The following CPS1 variants were observed in gnomAD, a reference collection of about 807,000 sequenced individuals.
The protein encoded by CPS1 is carbamoyl-phosphate synthase 1.
In CPS1, 109 loss-of-function variants were observed where a neutral mutation model predicts 174.6. That is an observed-to-expected ratio of 0.62 (90% CI 0.53 to 0.73). The LOEUF (loss-of-function observed/expected upper bound fraction) is 0.73, where lower values mean the gene tolerates loss of function less well. Ranked by LOEUF, CPS1 falls within the 30% of genes least tolerant of loss-of-function variation. The pLI is 0.00. For missense variants in CPS1, 1,689 were observed against 1,821.9 expected, an observed-to-expected ratio of 0.93 and a Z score of 1.33; for synonymous variants, 637 against 632.0, an observed-to-expected ratio of 1.01 and a Z score of -0.12.
At chr2:210,530,095 T>C (rs1365214931) in intron 1 of CPS1, among the ~76,000 whole-genome samples, 1 of 152,022 alleles carries the variant, frequency 6.6e-6, no homozygotes, top group Non-Finnish European at 1.5e-5. Flanking sequence ...ATTATTTCCA[T>C]TGATAGGAAA....
chr2:210,560,396 T>C (rs1216797165), intron 1 of CPS1, among the ~76,000 whole-genome samples: 1 of 152,126 alleles, frequency 6.6e-6, no homozygotes, highest in East Asian at 1.9e-4. Flanking sequence ...CTAAATAGTT[T>C]TATTTTTACT....
intron 1 of CPS1, among the ~76,000 whole-genome samples, chr2:210,551,297 C>T (rs1696723423): frequency 6.6e-6 from 1 of 151,942 alleles, no homozygotes; most frequent in South Asian, 2.1e-4. Context: ...CAAGAAACTT[C>T]GTGAATTCAC....
At chr2:210,668,078 G>A (rs996572895) in intron 33 of CPS1, 108 bp from the exon 34 acceptor site, 12 of 487,028 alleles carry the variant, frequency 2.5e-5, no homozygotes, top group African/African-American at 2.3e-4. Flanking sequence ...GTGCGTGCAT[G>A]TGTGTGTGTG....
At chr2:210,487,545 A>G (rs72932430) in intron 1 of CPS1, among the ~76,000 whole-genome samples, 31,147 of 152,230 alleles carry the variant, frequency 0.2, 3,725 homozygotes, top group Middle Eastern at 0.34. Context: ...CATCAGTTGT[A>G]CATATTAAGG....
At chr2:210,587,601 C>G (rs1698150477) in intron 6 of CPS1, among the ~76,000 whole-genome samples, 1 of 152,030 alleles carries the variant, frequency 6.6e-6, no homozygotes, top group Non-Finnish European at 1.5e-5. Flanking sequence ...ACTGCAGAAG[C>G]CTTATGTACA....
intron 21 of CPS1, among the ~76,000 whole-genome samples, chr2:210,623,219 A>G (rs1158078891): frequency 2.0e-5 from 3 of 152,174 alleles, no homozygotes; most frequent in African/African-American, 4.8e-5. Flanking sequence ...GCAATGTTGT[A>G]GATGACTACT....
In CPS1 at chr2:210,606,413, T is replaced by G. The variant is rs556166912; in HGVS notation, c.1982-318T>G. Among the ~76,000 whole-genome samples, 7 of 151,878 alleles carry G rather than the reference T, an allele frequency of 4.6e-5. No individual in the cohort carries two copies. The East Asian group carries it at 1.2e-3, about 25-fold the overall frequency. Reference sequence around the variant, plus strand: ...GATGAGCCAGTCTGAGTGATAATATTCAATGAAAGGAAGAACTTCAGAAAT... The same window carrying G: ...GATGAGCCAGTCTGAGTGATAATATGCAATGAAAGGAAGAACTTCAGAAAT... On this transcript the variant is annotated intron_variant, in intron 17 of 37. Coordinates refer to ENST00000233072, the MANE Select transcript of CPS1 (RefSeq NM_001875.5).
rs942926041 is a variant in CPS1 at position 210,629,369 on chromosome 2, C to T, written c.2688-8333C>T. 2.6e-5 allele frequency among the ~76,000 whole-genome samples: 4 copies of T among 151,994 alleles called. No individual in the cohort carries two copies. In the East Asian group the frequency reaches 5.9e-4, roughly 22 times the overall value. On this transcript the variant is annotated intron_variant, in intron 21 of 37. Coordinates refer to ENST00000233072, the MANE Select transcript of CPS1 (RefSeq NM_001875.5). Reference sequence around the variant, plus strand: ...TCGCTCTGTCGCCCAGGCTGGAGTGCAGTGGCGCGATCTCGGCTCACTGCA... The same window carrying T: ...TCGCTCTGTCGCCCAGGCTGGAGTGTAGTGGCGCGATCTCGGCTCACTGCA...
chr2:210,611,469 T>G (rs1048932139), intron 19 of CPS1, among the ~76,000 whole-genome samples: 4 of 151,960 alleles, frequency 2.6e-5, no homozygotes, highest in African/African-American at 9.7e-5. Flanking sequence ...ATGCAACTTG[T>G]CCAAACTAAA....
chr2:210,654,217 A>C, intron 29 of CPS1, 115 bp downstream of exon 29: 9 of 878,130 alleles, frequency 1.0e-5, no homozygotes, highest in Non-Finnish European at 1.7e-5. Flanking sequence ...GGTCTCCAGT[A>C]ATAGTGGAGA....
chr2:210,546,789 G>A (rs774209830), intron 1 of CPS1, among the ~76,000 whole-genome samples: 1 of 152,072 alleles, frequency 6.6e-6, no homozygotes, highest in African/African-American at 2.4e-5. Context: ...CCACAGTAAG[G>A]TTCAGTTACG....
chr2:210,505,958 G>T (rs1488446701), intron 1 of CPS1, among the ~76,000 whole-genome samples: 1 of 74 alleles, frequency 0.014, no homozygotes, highest in Non-Finnish European at 0.033. Flanking sequence ...TCCACCTCTG[G>T]GGGCAGGCAT....
intron 1 of CPS1, among the ~76,000 whole-genome samples, chr2:210,563,379 T>G (rs1697169854): frequency 6.6e-6 from 1 of 152,174 alleles, no homozygotes; most frequent in Non-Finnish European, 1.5e-5. Context: ...ATAGGACATT[T>G]TAGGGCAATG....
In CPS1 at chr2:210,650,366, G is replaced by A. The variant is rs147776702; in HGVS notation, c.3408G>A (p.Gly1136=). The change falls in exon 28 of 38, where the codon GGG becomes GGA. Residue 1136 remains glycine (G), a synonymous_variant. Coordinates refer to ENST00000233072, the MANE Select transcript of CPS1 (RefSeq NM_001875.5). ...CLLRPSYVLS[G]SAMNVVFSED... is the part of the protein sequence containing the mutation. ...TTTTTTCCCCTTCCTTTTCCAGTGGGTCTGCTATGAATGTGGTATTCTCTG... is the reference window on the plus strand; with the variant it reads ...TTTTTTCCCCTTCCTTTTCCAGTGGATCTGCTATGAATGTGGTATTCTCTG... 20 of 1,613,176 alleles carry A rather than the reference G, an allele frequency of 1.2e-5. No individual in the cohort carries two copies. The African/African-American group carries it at 2.5e-4, about 20-fold the overall frequency.
At chr2:210,671,767 T>G (rs1701313010) in intron 34 of CPS1, 1 of 152,164 alleles carries the variant, frequency 6.6e-6, no homozygotes, top group South Asian at 2.1e-4. Flanking sequence ...TACTGTCATG[T>G]TGGATATTTA....
rs2106108999 is a variant in CPS1, at chr2:210,590,854, A to G, written c.895A>G (p.Ile299Val). 1.2e-6 allele frequency: 2 copies of G among 1,611,384 alleles called. No individual in the cohort carries two copies. Among genetic ancestry groups the G allele is most frequent in the Admixed American group, 1.7e-5 (1 of 59,828 alleles). ...PLFGISTGNL[I>V]TGLAAGAKTY... ...GTTTGGAATCAGTACAGGAAACTTA[A>G]TAACAGGATTGGCTGCTGGTGCCAA... is the stretch of plus-strand genomic sequence containing the variant. Residue 299 changes from isoleucine to valine, a missense_variant, in exon 9 of 38, where the codon ATA becomes GTA. Coordinates refer to ENST00000233072, the MANE Select transcript of CPS1 (RefSeq NM_001875.5).
chr2:210,526,074 C>G (rs1400214483), intron 1 of CPS1, among the ~76,000 whole-genome samples: 1 of 151,726 alleles, frequency 6.6e-6, no homozygotes, highest in East Asian at 1.9e-4. Context: ...GAGTTTATGT[C>G]CTTTGCAGGG....
chr2:210,630,810 C>A (rs1431524708), intron 21 of CPS1, among the ~76,000 whole-genome samples: 1 of 152,046 alleles, frequency 6.6e-6, no homozygotes, highest in Non-Finnish European at 1.5e-5. Context: ...AGAGAGGTGA[C>A]AAATAATTTC....
intron 7 of CPS1, among the ~76,000 whole-genome samples, chr2:210,588,780 G>A (rs140711637): frequency 8.6e-5 from 13 of 151,964 alleles, no homozygotes; most frequent in Non-Finnish European, 1.3e-4. Flanking sequence ...ATTAGCATGC[G>A]TATTGGGAGA....
Sources: gnomAD v4.1 joint callset for allele counts (sites outside exome capture counted in the v4.1 genomes callset) on GRCh38, gnomAD v4.1.1 for gene constraint, MANE v1.5 for transcripts, NCBI Gene and HGNC (gene_info 2026-07-23, HGNC 2026-07-21) for gene names.